Variants in WDR19 observed in about 807,000 individuals in gnomAD.
The protein encoded by WDR19 is WD repeat domain 19, also known as WD repeat-containing protein 19.
In WDR19, 121 loss-of-function variants were observed where a neutral mutation model predicts 180.0. The observed-to-expected ratio is 0.67, with a 90% confidence interval of 0.58 to 0.78. The LOEUF is 0.78. Among genes scored for constraint, WDR19 ranks in the 30% least tolerant of loss-of-function variants. The pLI, the probability that WDR19 is intolerant of heterozygous loss-of-function variation, is 0.00. For missense variants in WDR19, 1,450 were observed against 1,640.7 expected, an observed-to-expected ratio of 0.88 and a Z score of 2.01; for synonymous variants, 497 against 540.7, an observed-to-expected ratio of 0.92 and a Z score of 1.12.
intron 24 of WDR19, among the ~76,000 whole-genome samples, chr4:39,251,556 A>C (rs1212696854): frequency 2.0e-5 from 3 of 152,094 alleles, no homozygotes; most frequent in Non-Finnish European, 4.4e-5. Flanking sequence ...AAAGAAACCA[A>C]CATCAGAGTG....
intron 24 of WDR19, among the ~76,000 whole-genome samples, chr4:39,252,664 G>C (rs926076816): frequency 1.3e-5 from 2 of 151,956 alleles, no homozygotes; most frequent in Non-Finnish European, 2.9e-5. Flanking sequence ...AGGAAATAGA[G>C]ATATACACTG....
At chr4:39,207,821 G>A (rs1021069090) in intron 9 of WDR19, among the ~76,000 whole-genome samples, 1 of 151,976 alleles carries the variant, frequency 6.6e-6, no homozygotes, top group Non-Finnish European at 1.5e-5. Flanking sequence ...AACAGAAATG[G>A]TAAATATCCG....
At chr4:39,218,202 T>C in intron 14 of WDR19, 97 bp downstream of exon 14, 2 of 1,369,212 alleles carry the variant, frequency 1.5e-6, no homozygotes, top group East Asian at 2.3e-5. Context: ...TTTTTCTATA[T>C]TGAATCCAAT....
chr4:39,198,102 CA>C (rs1726962832), intron 5 of WDR19, among the ~76,000 whole-genome samples: 6 of 152,148 alleles, frequency 3.9e-5, no homozygotes, highest in Admixed American at 3.3e-4. Flanking sequence ...CTCAGCTTCC[CA>C]AAGTGCTGGG....
At chr4:39,243,562 C>T (rs541355400) in intron 21 of WDR19, among the ~76,000 whole-genome samples, 11 of 152,056 alleles carry the variant, frequency 7.2e-5, no homozygotes, top group African/African-American at 2.4e-4. Context: ...TTATCTACAC[C>T]GTCAAATACA....
chr4:39,193,570 C>T (rs1726400244), intron 4 of WDR19, among the ~76,000 whole-genome samples: 1 of 152,160 alleles, frequency 6.6e-6, no homozygotes, highest in Non-Finnish European at 1.5e-5. Flanking sequence ...GATTTTACGA[C>T]CTTTCACAAA....
intron 9 of WDR19, among the ~76,000 whole-genome samples, chr4:39,208,837 GT>G (rs1282904383): frequency 2.6e-5 from 4 of 152,096 alleles, no homozygotes; most frequent in Non-Finnish European, 4.4e-5. Context: ...ATGTGTATAG[GT>G]TATATGCAAA....
At chr4:39,201,910 A>G (rs1727409570) in intron 6 of WDR19, among the ~76,000 whole-genome samples, 1 of 152,230 alleles carries the variant, frequency 6.6e-6, no homozygotes, top group Non-Finnish European at 1.5e-5. Context: ...TAAGCAAAAT[A>G]TACATTATAA....
chr4:39,221,747 T>G (rs1342409164), intron 14 of WDR19, among the ~76,000 whole-genome samples: 3 of 152,250 alleles, frequency 2.0e-5, no homozygotes, highest in African/African-American at 7.2e-5. Context: ...ATTCTAGAGT[T>G]TCATATAAAT....
intron 1 of WDR19, among the ~76,000 whole-genome samples, chr4:39,184,468 GTTAA>G (rs1725304486): frequency 6.6e-6 from 1 of 151,392 alleles, no homozygotes; most frequent in Non-Finnish European, 1.5e-5. Flanking sequence ...GTTGTTGGTT[GTTAA>G]TTTATTTATT....
chr4:39,237,363 C>A (rs969967570), intron 20 of WDR19, among the ~76,000 whole-genome samples: 1 of 151,698 alleles, frequency 6.6e-6, no homozygotes, highest in African/African-American at 2.4e-5. Context: ...AGTTTGAGAC[C>A]AGCCTTGGCA....
At position 39,216,080 on chromosome 4, in the gene WDR19, AT is replaced by A; in HGVS notation, c.1135-12del. The A allele has an allele frequency of 6.4e-7, 1 of 1,551,104 alleles. No individual in the cohort carries two copies. The highest frequency in any genetic ancestry group is 8.7e-7 in the Non-Finnish European group (1 of 1,150,050). ...TAAGTTTAGCCGTTGATTTATTACTATTTTCTTTATTATAGGAGCTACCAAT... is the reference window on the plus strand; with the variant it reads ...TAAGTTTAGCCGTTGATTTATTACTATTTCTTTATTATAGGAGCTACCAAT... On this transcript the variant is annotated splice_polypyrimidine_tract_variant and intron_variant, in intron 11 of 36. Coordinates refer to ENST00000399820, the MANE Select transcript of WDR19 (RefSeq NM_025132.4).
rs959449859 is a variant in WDR19 at position 39,280,624 on chromosome 4, C to T, written c.*13+1961C>T. On this transcript the variant is annotated intron_variant, in intron 36 of 36. Transcript: ENST00000399820. ...GAGCTGTGATCAAGCCACTGTACTC[C>T]AGCCTGGGCAACAGGCTCAAAAAAC... Among the ~76,000 whole-genome samples the T allele has an allele frequency of 2.0e-5, 3 of 152,092 alleles. 1 individual carries two copies. Among genetic ancestry groups the T allele is most frequent in the Admixed American group, 2.0e-4 (3 of 15,262 alleles).
intron 36 of WDR19, among the ~76,000 whole-genome samples, chr4:39,280,963 A>C (rs1364200077): frequency 6.6e-6 from 1 of 152,104 alleles, no homozygotes. Flanking sequence ...GACCCGGCAG[A>C]ATTTGCTGAA....
intron 27 of WDR19, among the ~76,000 whole-genome samples, chr4:39,257,005 G>A (rs1428357883): frequency 4.6e-5 from 7 of 151,910 alleles, no homozygotes; most frequent in Non-Finnish European, 7.4e-5. Context: ...GTGGTGTTAC[G>A]GTGTTCAGGA....
At chr4:39,266,792 G>T (rs1033982719) in intron 29 of WDR19, among the ~76,000 whole-genome samples, 6 of 152,302 alleles carry the variant, frequency 3.9e-5, no homozygotes, top group Middle Eastern at 3.4e-3. Flanking sequence ...ACATAAAATA[G>T]AAATAAATTG....
intron 29 of WDR19, among the ~76,000 whole-genome samples, chr4:39,266,998 G>T (rs763214121): frequency 2.0e-5 from 3 of 152,256 alleles, no homozygotes; most frequent in Non-Finnish European, 4.4e-5. Flanking sequence ...CAGGAGAATT[G>T]CTTGAAGCCA....
chr4:39,270,523 A>G (rs751333771), intron 31 of WDR19, among the ~76,000 whole-genome samples: 2 of 152,056 alleles, frequency 1.3e-5, no homozygotes, highest in Non-Finnish European at 2.9e-5. Flanking sequence ...TTACAGGCAC[A>G]CACCACCACA....
In WDR19 at chr4:39,199,636, C is replaced by T. The variant is rs756372771; in HGVS notation, c.522+43C>T. The stretch of plus-strand genomic sequence containing the variant: ...CTTTGGTCTGATATATTCAAGCTTT[C>T]CCCCCAAATAAATAGTTTGTCTGTC... On this transcript the variant is annotated intron_variant, in intron 6 of 36. Transcript: ENST00000399820. 12 of 1,471,298 alleles carry T rather than the reference C, an allele frequency of 8.2e-6. No individual in the cohort carries two copies. The African/African-American group carries it at 1.4e-4, about 17-fold the overall frequency. 91.1% of individuals were successfully genotyped at this position (1,471,298 alleles called of 1,614,324 possible).
Sources: allele counts gnomAD v4.1 joint callset (sites outside exome capture counted in the v4.1 genomes callset), GRCh38; gene constraint gnomAD v4.1.1; transcripts MANE v1.5; gene names NCBI Gene and HGNC (gene_info 2026-07-23, HGNC 2026-07-21).